KLHL1: variants seen among roughly 807,000 people sequenced by gnomAD.
KLHL1 encodes kelch-like protein 1.
KLHL1 carries 47 observed loss-of-function variants against 77.7 expected under a neutral mutation model. The ratio of observed to expected loss-of-function variants is 0.60; its 90% CI spans 0.48 to 0.77. The LOEUF (loss-of-function observed/expected upper bound fraction) is 0.77, where lower values mean the gene tolerates loss of function less well. KLHL1 is among the 30% of genes least tolerant of loss of function. KLHL1 has a pLI of 0.00. For synonymous variants in KLHL1, 360 were observed against 325.2 expected (o/e 1.11, Z -1.15); for missense variants, 925 against 910.8 (o/e 1.02, Z -0.20).
In KLHL1 at chr13:69,942,046, T is replaced by C. The variant is rs186719230; in HGVS notation, c.818-1810A>G. ...ATTCAAAGGAGAGTTGGTGCCAATC[T>C]TACTGAAACTATTCTAAAAGGAAAA... is the stretch of plus-strand genomic sequence containing the variant. On this transcript the variant is annotated intron_variant, in intron 3 of 10. Coordinates refer to ENST00000377844, the MANE Select transcript of KLHL1 (RefSeq NM_020866.3). Among the ~76,000 whole-genome samples, 183 of 152,168 alleles carry C rather than the reference T, an allele frequency of 1.2e-3. 1 individual carries two copies. Among genetic ancestry groups the C allele is most frequent in the African/African-American group, 4.3e-3 (177 of 41,558 alleles).
intron 1 of KLHL1, among the ~76,000 whole-genome samples, chr13:70,081,574 C>T (rs986649329): frequency 6.6e-6 from 1 of 152,148 alleles, no homozygotes; most frequent in East Asian, 1.9e-4. Context: ...GAGATCTCTC[C>T]GTTGTTCTTC....
chr13:70,105,932 CAT>C (rs1888044309), intron 1 of KLHL1, among the ~76,000 whole-genome samples: 1 of 150,470 alleles, frequency 6.6e-6, no homozygotes. Context: ...CATTATAGTA[CAT>C]GTCTTAATAT....
chr13:70,107,688 A>G lies in KLHL1; in HGVS notation c.12T>C (p.Ser4=). MSG[S]GRKDFDVKHI... ...GCTTCACATCGAAGTCTTTTCGCCC[A>G]GAGCCTGACATGCTTTACGCACAGA... The change falls in exon 1 of 11, where the codon TCT becomes TCC. Residue 4 remains serine (S), a synonymous_variant. Transcript: ENST00000377844. The G allele has an allele frequency of 1.3e-6, 2 of 1,526,948 alleles. No homozygotes were observed. The highest frequency in any genetic ancestry group is 1.3e-5 in the South Asian group (1 of 76,242). 94.6% of individuals were successfully genotyped at this position (1,526,948 alleles called of 1,614,324 possible). A position where few individuals can be genotyped will look rare whatever the true frequency, so the allele number is the denominator to read the frequency against.
intron 8 of KLHL1, among the ~76,000 whole-genome samples, chr13:69,728,349 T>C (rs1227284082): frequency 1.3e-5 from 2 of 152,090 alleles, no homozygotes; most frequent in African/African-American, 4.8e-5. Context: ...GCTTTCGTAA[T>C]GCTTTAAGCC....
At chr13:69,827,269 AAT>A (rs1878585032) in intron 6 of KLHL1, among the ~76,000 whole-genome samples, 1 of 150,310 alleles carries the variant, frequency 6.7e-6, no homozygotes, top group Non-Finnish European at 1.5e-5. Flanking sequence ...TTATATTTCA[AAT>A]ATGTTTTCTA....
chr13:70,039,989 CTT>C (rs903379686), intron 1 of KLHL1, among the ~76,000 whole-genome samples: 3 of 151,994 alleles, frequency 2.0e-5, no homozygotes, highest in African/African-American at 7.3e-5. Context: ...CTGTAACTCT[CTT>C]TTAGTGTTTG....
At chr13:69,809,880 A>G (rs886465693) in intron 6 of KLHL1, among the ~76,000 whole-genome samples, 1 of 152,126 alleles carries the variant, frequency 6.6e-6, no homozygotes, top group African/African-American at 2.4e-5. Context: ...AAATGGAAAA[A>G]AAAAAAGCAG....
intron 1 of KLHL1, among the ~76,000 whole-genome samples, chr13:69,990,777 G>C (rs1252647822): frequency 6.6e-6 from 1 of 151,922 alleles, no homozygotes; most frequent in Admixed American, 6.6e-5. Context: ...AGAGATTCAG[G>C]ACCTGAACTC....
At chr13:69,739,338 C>T (rs926410317) in intron 8 of KLHL1, among the ~76,000 whole-genome samples, 1 of 152,162 alleles carries the variant, frequency 6.6e-6, no homozygotes, top group African/African-American at 2.4e-5. Context: ...GAAGCTACTA[C>T]ATAGACAAGT....
intron 1 of KLHL1, among the ~76,000 whole-genome samples, chr13:70,075,749 A>G (rs1313722838): frequency 3.8e-5 from 3 of 78,768 alleles, no homozygotes; most frequent in African/African-American, 8.5e-5. Flanking sequence ...ATATATACAC[A>G]CATACACACA....
intron 7 of KLHL1, among the ~76,000 whole-genome samples, chr13:69,746,017 T>G (rs1566206427): frequency 1.3e-5 from 2 of 151,562 alleles, no homozygotes; most frequent in Non-Finnish European, 3.0e-5. Flanking sequence ...GTTTGAAATT[T>G]TTATTAGAAC....
At chr13:70,062,484 T>G (rs1384430296) in intron 1 of KLHL1, among the ~76,000 whole-genome samples, 1 of 152,180 alleles carries the variant, frequency 6.6e-6, no homozygotes, top group Admixed American at 6.5e-5. Flanking sequence ...GCCATTCTAT[T>G]TAAATAAAAC....
At chr13:70,047,097 C>T (rs1191527555) in intron 1 of KLHL1, among the ~76,000 whole-genome samples, 5 of 151,990 alleles carry the variant, frequency 3.3e-5, no homozygotes, top group African/African-American at 1.2e-4. Flanking sequence ...ACAGTGAACA[C>T]AATAGCATTA....
chr13:70,097,136 C>A (rs1348881743), intron 1 of KLHL1, among the ~76,000 whole-genome samples: 1 of 151,886 alleles, frequency 6.6e-6, no homozygotes, highest in Admixed American at 6.6e-5. Context: ...GAGAACTTCC[C>A]CCCACTATCT....
intron 1 of KLHL1, among the ~76,000 whole-genome samples, chr13:70,029,973 T>C (rs1479620842): frequency 6.6e-6 from 1 of 152,166 alleles, no homozygotes; most frequent in Non-Finnish European, 1.5e-5. Context: ...AAACAGACTT[T>C]AAACTAACAA....
intron 1 of KLHL1, among the ~76,000 whole-genome samples, chr13:69,979,960 T>G (rs537237484): frequency 6.6e-6 from 1 of 152,302 alleles, no homozygotes; most frequent in South Asian, 2.1e-4. Context: ...CTCCTTAATC[T>G]ATTGCAATTC....
intron 1 of KLHL1, among the ~76,000 whole-genome samples, chr13:70,036,083 A>T (rs1238933813): frequency 3.9e-5 from 6 of 151,944 alleles, no homozygotes; most frequent in African/African-American, 1.4e-4. Flanking sequence ...CATACTTCTA[A>T]AGTAGTTATA....
chr13:69,790,816 G>A (rs181050370), intron 7 of KLHL1, among the ~76,000 whole-genome samples: 34 of 152,170 alleles, frequency 2.2e-4, no homozygotes, highest in Admixed American at 1.9e-3. Flanking sequence ...TTGGGAGGCC[G>A]AGGCAGGTGG....
intron 2 of KLHL1, among the ~76,000 whole-genome samples, chr13:69,969,621 C>T (rs543721796): frequency 8.6e-5 from 13 of 151,880 alleles, no homozygotes; most frequent in Non-Finnish European, 5.9e-5. Flanking sequence ...TATCGTGTAA[C>T]CTATATTATT....
Sources: gnomAD v4.1 joint callset for allele counts (sites outside exome capture counted in the v4.1 genomes callset) on GRCh38, gnomAD v4.1.1 for gene constraint, MANE v1.5 for transcripts, NCBI Gene and HGNC (gene_info 2026-07-23, HGNC 2026-07-21) for gene names.